Variants in CWC27 observed in about 807,000 individuals in gnomAD.
CWC27 encodes the protein CWC27 spliceosome associated cyclophilin, also known as spliceosome-associated protein CWC27 homolog.
CWC27 carries 47 observed loss-of-function variants against 63.6 expected under a neutral mutation model. That is an observed-to-expected ratio of 0.74 (90% CI 0.58 to 0.94). CWC27 has a LOEUF of 0.94. Among genes scored for constraint, CWC27 ranks in the 40% least tolerant of loss-of-function variants. CWC27 has a pLI of 0.00. For synonymous variants in CWC27, 175 were observed against 179.8 expected (o/e 0.97, Z 0.22); for missense variants, 495 against 554.3 (o/e 0.89, Z 1.07).
intron 10 of CWC27, among the ~76,000 whole-genome samples, chr5:64,845,764 G>C (rs1012252925): frequency 2.0e-5 from 3 of 152,146 alleles, no homozygotes; most frequent in African/African-American, 7.2e-5. Context: ...TCAAACCTTT[G>C]CATACTAGGA....
At chr5:64,914,453 C>T (rs535818647) in intron 11 of CWC27, among the ~76,000 whole-genome samples, 1 of 151,794 alleles carries the variant, frequency 6.6e-6, no homozygotes, top group African/African-American at 2.4e-5. Flanking sequence ...ATAAATAACC[C>T]AAAGAAAAAC....
chr5:64,834,164 A>T (rs1056426251), intron 10 of CWC27, among the ~76,000 whole-genome samples: 2 of 128,488 alleles, frequency 1.6e-5, no homozygotes, highest in Non-Finnish European at 3.4e-5. Flanking sequence ...AAACCAAATT[A>T]AGAAAAAAAA....
At chr5:64,852,151 C>G (rs2112298304) in intron 10 of CWC27, among the ~76,000 whole-genome samples, 1 of 152,238 alleles carries the variant, frequency 6.6e-6, no homozygotes, top group South Asian at 2.1e-4. Context: ...ACATAAGTAA[C>G]TGGTTAGAGT....
At chr5:64,951,574 T>C (rs1293763774) in intron 11 of CWC27, among the ~76,000 whole-genome samples, 1 of 151,956 alleles carries the variant, frequency 6.6e-6, no homozygotes, top group East Asian at 1.9e-4. Context: ...ATCTGCACAG[T>C]CTGTTTTATT....
rs191115847 is a variant in CWC27 at position 64,903,082 on chromosome 5, G to C, written c.1042+17536G>C. ...ACACTTTTACACTGTTGGTGGGAGT[G>C]TAAATTAGTTCAGCCATTGTGAAAG... On this transcript the variant is annotated intron_variant, in intron 11 of 13. Transcript: ENST00000381070. Among the ~76,000 whole-genome samples, 30 of 152,252 alleles carry C rather than the reference G, an allele frequency of 2.0e-4. No individual in the cohort carries two copies. The East Asian group carries it at 5.4e-3, about 27-fold the overall frequency.
intron 13 of CWC27, among the ~76,000 whole-genome samples, chr5:64,994,754 G>C (rs923765317): frequency 6.6e-6 from 1 of 152,032 alleles, no homozygotes; most frequent in African/African-American, 2.4e-5. Context: ...ATTTATACCT[G>C]TACCAGCAAT....
At chr5:64,830,730 G>GA (rs570780140) in intron 10 of CWC27, among the ~76,000 whole-genome samples, 262 of 152,124 alleles carry the variant, frequency 1.7e-3, no homozygotes, top group African/African-American at 5.9e-3. Flanking sequence ...AAATTTACAA[G>GA]AAAAAATCAA....
chr5:64,903,872 CAG>C (rs1747564458), intron 11 of CWC27, among the ~76,000 whole-genome samples: 2 of 152,226 alleles, frequency 1.3e-5, no homozygotes, highest in East Asian at 1.9e-4. Context: ...TTAATGTTTT[CAG>C]AGTTTATCCA....
At chr5:64,772,982 A>G (rs1026783033) in intron 1 of CWC27, among the ~76,000 whole-genome samples, 6 of 151,908 alleles carry the variant, frequency 3.9e-5, no homozygotes, top group Non-Finnish European at 5.9e-5. Context: ...GTAATTTTTC[A>G]TAACGACTAG....
rs533940443 is a variant in CWC27, at chr5:64,862,161, C to T, written c.939-23282C>T. 8.4e-4 allele frequency among the ~76,000 whole-genome samples: 127 copies of T among 150,960 alleles called. 1 individual carries two copies. The highest frequency in any genetic ancestry group is 2.8e-3 in the African/African-American group (113 of 40,338). Reference sequence around the variant, plus strand: ...GATATCAGCAAACCCACGGAATGTACGGGAAGGCCAAAGAGCCAGGCTGAG... The same window carrying T: ...GATATCAGCAAACCCACGGAATGTATGGGAAGGCCAAAGAGCCAGGCTGAG... On this transcript the variant is annotated intron_variant, in intron 10 of 13. Coordinates refer to ENST00000381070, the MANE Select transcript of CWC27 (RefSeq NM_005869.4).
chr5:64,770,065 A>G (rs1328301254), intron 1 of CWC27, among the ~76,000 whole-genome samples: 1 of 152,244 alleles, frequency 6.6e-6, no homozygotes, highest in Non-Finnish European at 1.5e-5. Flanking sequence ...GAATTAAGAT[A>G]AGCTAAATTT....
chr5:64,991,976 A>G (rs1749544753), intron 13 of CWC27, among the ~76,000 whole-genome samples: 1 of 152,190 alleles, frequency 6.6e-6, no homozygotes, highest in African/African-American at 2.4e-5. Flanking sequence ...CATACTAGGA[A>G]CCACTTATGC....
intron 10 of CWC27, among the ~76,000 whole-genome samples, chr5:64,827,637 T>C (rs1178332610): frequency 6.6e-6 from 1 of 152,202 alleles, no homozygotes; most frequent in Non-Finnish European, 1.5e-5. Flanking sequence ...CAGATTGTTG[T>C]AATGCTAATA....
chr5:64,886,626 G>A (rs868298634), intron 11 of CWC27, among the ~76,000 whole-genome samples: 1 of 152,136 alleles, frequency 6.6e-6, no homozygotes, highest in African/African-American at 2.4e-5. Flanking sequence ...AGTAGCATGA[G>A]TAATACCAGA....
intron 10 of CWC27, among the ~76,000 whole-genome samples, chr5:64,866,941 TG>T (rs1746543710): frequency 6.6e-6 from 1 of 152,088 alleles, no homozygotes; most frequent in African/African-American, 2.4e-5. Context: ...TGAGGAGGAA[TG>T]TAGGAAAAAT....
chr5:64,872,843 A>G (rs1746706998), intron 10 of CWC27, among the ~76,000 whole-genome samples: 2 of 152,138 alleles, frequency 1.3e-5, no homozygotes, highest in Non-Finnish European at 2.9e-5. Context: ...GTCTGTCTTC[A>G]CAACAAAATT....
At chr5:64,928,964 C>CTTT (rs373815261) in intron 11 of CWC27, among the ~76,000 whole-genome samples, 217 of 141,802 alleles carry the variant, frequency 1.5e-3, no homozygotes, top group African/African-American at 5.1e-3. Flanking sequence ...TAGGCTTTGT[C>CTTT]TTTTTTTTTT....
At chr5:64,965,705 G>A (rs540172981) in intron 11 of CWC27, among the ~76,000 whole-genome samples, 1 of 152,094 alleles carries the variant, frequency 6.6e-6, no homozygotes, top group Admixed American at 6.6e-5. Context: ...TTTTACTTCA[G>A]TTAGAGAATA....
At chr5:65,018,066 TTA>T in intron 13 of CWC27, 91 bp from the exon 14 acceptor site, 1 of 1,157,420 alleles carries the variant, frequency 8.6e-7, no homozygotes, top group Non-Finnish European at 1.2e-6. Flanking sequence ...TTCTGTATGC[TTA>T]TGTTTCATTA....
Sources: allele counts gnomAD v4.1 joint callset (sites outside exome capture counted in the v4.1 genomes callset), GRCh38; gene constraint gnomAD v4.1.1; transcripts MANE v1.5; gene names NCBI Gene and HGNC (gene_info 2026-07-23, HGNC 2026-07-21).